The following SLC41A2 variants were observed in gnomAD, a reference collection of about 807,000 sequenced individuals.
SLC41A2 encodes SLC41A1-like 1.
In SLC41A2, 32 loss-of-function variants were observed where a neutral mutation model predicts 58.3. That is an observed-to-expected ratio of 0.55 (90% confidence interval 0.41 to 0.74). The LOEUF (loss-of-function observed/expected upper bound fraction) is 0.74. Ranked by LOEUF, SLC41A2 falls within the 30% of genes least tolerant of loss-of-function variation. SLC41A2 has a pLI of 0.00. For synonymous variants in SLC41A2, 190 were observed against 235.0 expected (o/e 0.81, Z 1.75); for missense variants, 514 against 680.6 (o/e 0.76, Z 2.72).
chr12:104,923,361 C>CAAAAAAAAA (rs60629926), intron 2 of SLC41A2, among the ~76,000 whole-genome samples: 1 of 87,394 alleles, frequency 1.1e-5, no homozygotes, highest in African/African-American at 3.9e-5. Context: ...GACTCCATCT[C>CAAAAAAAAA]AAAAAAAAAA....
At chr12:104,890,168 C>T (rs576877853) in intron 4 of SLC41A2, among the ~76,000 whole-genome samples, 2 of 152,172 alleles carry the variant, frequency 1.3e-5, no homozygotes, top group Non-Finnish European at 2.9e-5. Context: ...GTGCTGGAAT[C>T]GAGGGCTCCA....
At chr12:104,951,741 T>C (rs573106835) in intron 1 of SLC41A2, among the ~76,000 whole-genome samples, 38 of 151,776 alleles carry the variant, frequency 2.5e-4, no homozygotes, top group African/African-American at 7.7e-4. Context: ...GCTCATATGA[T>C]TGATATATTT....
At position 104,895,318 on chromosome 12, in the gene SLC41A2, T is replaced by C. The variant is rs1392547474; in HGVS notation, c.691A>G (p.Ile231Val). 1 of 1,613,078 alleles carries C rather than the reference T, an allele frequency of 6.2e-7. No homozygotes were observed. ...AVNIGKMDSPIEKWNLIIGNL... is the reference protein window; with the variant it reads ...AVNIGKMDSPVEKWNLIIGNL... ...CCAATTATTAGGTTCCACTTTTCAA[T>C]GGGTGAATCCATCTTCCCAATATTT... The change falls in exon 4 of 11, where the codon ATT becomes GTT. Residue 231 changes from isoleucine (I) to valine (V), a missense_variant. By Grantham distance (29) the Ile-to-Val change is conservative. Around this residue, in one of 3 missense-constraint regions of SLC41A2, gnomAD observed 336 missense variants for 430.0 expected, o/e 0.78. Transcript: ENST00000258538.
chr12:104,828,024 T>C (rs2041906746), intron 10 of SLC41A2, among the ~76,000 whole-genome samples: 1 of 152,042 alleles, frequency 6.6e-6, no homozygotes, highest in Non-Finnish European at 1.5e-5. Context: ...TGCCCAAATG[T>C]TGCATTTCCC....
intron 1 of SLC41A2, among the ~76,000 whole-genome samples, chr12:104,948,908 G>C (rs770524911): frequency 1.3e-5 from 2 of 152,180 alleles, no homozygotes; most frequent in Non-Finnish European, 1.5e-5. Context: ...ACTATCTTCT[G>C]TTACTCAATC....
At chr12:104,937,430 G>T (rs1015647309) in intron 1 of SLC41A2, among the ~76,000 whole-genome samples, 1 of 152,074 alleles carries the variant, frequency 6.6e-6, no homozygotes, top group Non-Finnish European at 1.5e-5. Flanking sequence ...TGTAACAACT[G>T]CCTATAATAT....
At chr12:104,891,194 G>T (rs931026274) in intron 4 of SLC41A2, among the ~76,000 whole-genome samples, 69 of 152,168 alleles carry the variant, frequency 4.5e-4, no homozygotes, top group African/African-American at 1.5e-3. Flanking sequence ...CCTGGTTGGG[G>T]TTCCCTGTTC....
chr12:104,881,215 TATTA>T (rs1304410382), intron 6 of SLC41A2, among the ~76,000 whole-genome samples: 1 of 152,182 alleles, frequency 6.6e-6, no homozygotes, highest in African/African-American at 2.4e-5. Context: ...TTTTCTTCTT[TATTA>T]GTCTTGCTAG....
Position 104,877,699 on chromosome 12 carries a change from T to A in SLC41A2, c.1027+8594A>T, listed in dbSNP as rs186596196. On this transcript the variant is annotated intron_variant, in intron 6 of 10. Coordinates refer to ENST00000258538, the MANE Select transcript of SLC41A2 (RefSeq NM_001352171.3). The stretch of plus-strand genomic sequence containing the variant: ...AGGAGAGTTTATCCCTTGTATAATT[T>A]AAAAAAATAAAATTTCAGGTGGGGC... 3.9e-3 allele frequency among the ~76,000 whole-genome samples: 597 copies of A among 152,196 alleles called. 1 individual carries two copies. The highest frequency in any genetic ancestry group is 6.8e-3 in the Middle Eastern group (2 of 294).
At chr12:104,948,776 A>T (rs1329722465) in intron 1 of SLC41A2, among the ~76,000 whole-genome samples, 1 of 152,252 alleles carries the variant, frequency 6.6e-6, no homozygotes, top group Admixed American at 6.5e-5. Context: ...AGCTCCTTTC[A>T]TGCCAAACAC....
At position 104,951,559 on chromosome 12, in the gene SLC41A2, A is replaced by C. The variant is rs191010905; in HGVS notation, c.-168+6529T>G. 5.3e-5 allele frequency: 8 copies of C among 152,134 alleles called. No individual in the cohort carries two copies. The East Asian group carries it at 1.2e-3, about 22-fold the overall frequency. The allele number at this position is 152,134 out of a possible 1,614,324, so 9.4% of individuals were successfully genotyped here. ...CAAACACTGAAAGAATTTTTCCTTTATGGTTGGGTTTCACAATTTAATTCT... is the reference window on the plus strand; with the variant it reads ...CAAACACTGAAAGAATTTTTCCTTTCTGGTTGGGTTTCACAATTTAATTCT... On this transcript the variant is annotated intron_variant, in intron 1 of 10. Coordinates refer to ENST00000258538, the MANE Select transcript of SLC41A2 (RefSeq NM_001352171.3).
Position 104,840,649 on chromosome 12 carries a change from T to C in SLC41A2, c.1536+3823A>G, listed in dbSNP as rs575551207. The stretch of plus-strand genomic sequence containing the variant: ...CTTGGGGACTGGGCAAGAACATGAA[T>C]AGAGTATAATCCATCACATCTTCTG... On this transcript the variant is annotated intron_variant, in intron 10 of 10. Coordinates refer to ENST00000258538, the MANE Select transcript of SLC41A2 (RefSeq NM_001352171.3). Among the ~76,000 whole-genome samples the C allele has an allele frequency of 1.4e-4, 21 of 152,324 alleles. No homozygotes were observed. The South Asian group carries it at 3.7e-3, about 27-fold the overall frequency.
chr12:104,948,978 G>A (rs1246121790), intron 1 of SLC41A2, among the ~76,000 whole-genome samples: 1 of 152,176 alleles, frequency 6.6e-6, no homozygotes, highest in East Asian at 1.9e-4. Context: ...CACTTTGGGA[G>A]GCCGAGGTAG....
At chr12:104,839,856 T>C (rs2042346196) in intron 10 of SLC41A2, among the ~76,000 whole-genome samples, 1 of 152,230 alleles carries the variant, frequency 6.6e-6, no homozygotes, top group Non-Finnish European at 1.5e-5. Context: ...GGATGTGTCA[T>C]CCAACAGATG....
At chr12:104,815,545 C>A (rs2041359892) in intron 10 of SLC41A2, among the ~76,000 whole-genome samples, 1 of 152,158 alleles carries the variant, frequency 6.6e-6, no homozygotes, top group South Asian at 2.1e-4. Flanking sequence ...CTTGTGTTAG[C>A]ATCCCCTTAA....
At chr12:104,874,060 G>A (rs1032948229) in intron 6 of SLC41A2, among the ~76,000 whole-genome samples, 2 of 142,562 alleles carry the variant, frequency 1.4e-5, no homozygotes, top group Non-Finnish European at 1.5e-5. Context: ...TTTTACTTTT[G>A]TTGCCTGAGT....
intron 6 of SLC41A2, among the ~76,000 whole-genome samples, chr12:104,871,699 T>C (rs1309780255): frequency 1.3e-5 from 2 of 152,232 alleles, no homozygotes; most frequent in African/African-American, 4.8e-5. Context: ...TGTGCCAAAA[T>C]CATTCTGAAT....
At chr12:104,933,690 TAC>T (rs1240979373) in intron 1 of SLC41A2, among the ~76,000 whole-genome samples, 2 of 128,142 alleles carry the variant, frequency 1.6e-5, no homozygotes, top group African/African-American at 3.2e-5. Context: ...CACACACACA[TAC>T]ACACACACAC....
chr12:104,877,817 A>G (rs2044126911), intron 6 of SLC41A2, among the ~76,000 whole-genome samples: 1 of 152,026 alleles, frequency 6.6e-6, no homozygotes, highest in Non-Finnish European at 1.5e-5. Context: ...TGGGCAACAC[A>G]GTGAAACCCC....
Sources: gnomAD v4.1 joint callset for allele counts (sites outside exome capture counted in the v4.1 genomes callset) on GRCh38, gnomAD v4.1.1 for gene constraint, gnomAD v4.1.1 regional missense constraint, MANE v1.5 for transcripts, NCBI Gene and HGNC (gene_info 2026-07-23, HGNC 2026-07-21) for gene names.